Variants in RBFOX1 observed in about 807,000 individuals in gnomAD.
RBFOX1 encodes RNA binding protein fox-1 homolog 1.
Under a neutral mutation model 57.7 loss-of-function variants are expected in RBFOX1, and 8 were observed. The ratio of observed to expected loss-of-function variants is 0.14; its 90% CI spans 0.08 to 0.25. The LOEUF is 0.25. RBFOX1 is among the 10% of genes least tolerant of loss of function. The pLI is 1.00. For synonymous variants in RBFOX1, 326 were observed against 222.4 expected (o/e 1.47, Z -4.15); for missense variants, 611 against 548.5 (o/e 1.11, Z -1.14).
At chr16:7,453,930 G>A (rs1411313949) in intron 4 of RBFOX1, among the ~76,000 whole-genome samples, 2 of 152,146 alleles carry the variant, frequency 1.3e-5, no homozygotes, top group Non-Finnish European at 2.9e-5. Context: ...TTCTGGTAGG[G>A]GGATTAAGAA....
At chr16:6,492,140 G>A (rs568901344) in intron 2 of RBFOX1, among the ~76,000 whole-genome samples, 2 of 152,154 alleles carry the variant, frequency 1.3e-5, no homozygotes, top group Non-Finnish European at 2.9e-5. Context: ...GTGCGGGCGT[G>A]TGAAAGTTTC....
chr16:7,447,421 A>C (rs2098817423), intron 4 of RBFOX1, among the ~76,000 whole-genome samples: 1 of 118,532 alleles, frequency 8.4e-6, no homozygotes, highest in African/African-American at 3.3e-5. Flanking sequence ...CAACCGAGTG[A>C]GTCTATCTCA....
intron 2 of RBFOX1, among the ~76,000 whole-genome samples, chr16:6,526,847 A>C (rs1289967409): frequency 6.7e-6 from 1 of 149,296 alleles, no homozygotes; most frequent in East Asian, 1.9e-4. Context: ...AAAAAAAAAA[A>C]AAAAAAAAAA....
At chr16:5,549,922 G>T (rs148191506) in intron 2 of RBFOX1, among the ~76,000 whole-genome samples, 1 of 152,260 alleles carries the variant, frequency 6.6e-6, no homozygotes, top group African/African-American at 2.4e-5. Context: ...AATGAACTGA[G>T]GTTGCTGGTA....
At chr16:7,230,146 C>A (rs114256759) in intron 4 of RBFOX1, among the ~76,000 whole-genome samples, 1 of 151,292 alleles carries the variant, frequency 6.6e-6, no homozygotes, top group African/African-American at 2.4e-5. Context: ...GCCTCCTCAT[C>A]CTTTTTTTCT....
chr16:7,049,098 TG>T (rs2049047652), intron 3 of RBFOX1, among the ~76,000 whole-genome samples: 1 of 152,142 alleles, frequency 6.6e-6, no homozygotes, highest in African/African-American at 2.4e-5. Context: ...AAATACTGTT[TG>T]GGGGTGATTT....
chr16:7,699,144 TAATAG>T (rs1462335335), intron 14 of RBFOX1, among the ~76,000 whole-genome samples: 1 of 152,164 alleles, frequency 6.6e-6, no homozygotes, highest in African/African-American at 2.4e-5. Context: ...CAGATAATTG[TAATAG>T]AAAAGACCTC....
intron 4 of RBFOX1, among the ~76,000 whole-genome samples, chr16:7,249,223 G>C (rs1350502275): frequency 6.6e-6 from 1 of 152,040 alleles, no homozygotes; most frequent in East Asian, 1.9e-4. Flanking sequence ...TGCAAGGGTG[G>C]GTTTGTTTCC....
intron 4 of RBFOX1, among the ~76,000 whole-genome samples, chr16:7,274,002 C>G (rs549347073): frequency 2.0e-5 from 3 of 152,140 alleles, no homozygotes; most frequent in Admixed American, 6.5e-5. Flanking sequence ...TTGAAGGACC[C>G]TCCTTTCCAC....
At chr16:6,829,481 T>TAAAAAAAAA in intron 3 of RBFOX1, among the ~76,000 whole-genome samples, 1 of 135,644 alleles carries the variant, frequency 7.4e-6, no homozygotes, top group Admixed American at 7.7e-5. Flanking sequence ...ACTCAACCAT[T>TAAAAAAAAA]AAAAAAAAAA....
At chr16:7,499,746 T>C (rs1438461381) in intron 4 of RBFOX1, among the ~76,000 whole-genome samples, 2 of 152,160 alleles carry the variant, frequency 1.3e-5, no homozygotes, top group Admixed American at 1.3e-4. Flanking sequence ...CATTTGGTGG[T>C]GTTTTGAATT....
intron 1 of RBFOX1, among the ~76,000 whole-genome samples, chr16:6,209,476 T>G (rs1047198313): frequency 4.8e-4 from 73 of 152,232 alleles, no homozygotes; most frequent in African/African-American, 1.7e-3. Context: ...CCGTCTCATC[T>G]AATACACGTA....
intron 4 of RBFOX1, among the ~76,000 whole-genome samples, chr16:7,375,743 T>G (rs1167725737): frequency 1.3e-5 from 2 of 152,152 alleles, no homozygotes; most frequent in Non-Finnish European, 2.9e-5. Flanking sequence ...ACAAATAAAA[T>G]GAATGATTTT....
intron 3 of RBFOX1, among the ~76,000 whole-genome samples, chr16:6,797,487 A>G (rs929030967): frequency 6.6e-6 from 1 of 152,200 alleles, no homozygotes; most frequent in Non-Finnish European, 1.5e-5. Flanking sequence ...TTCCCCCAGT[A>G]CAAGCCTAAT....
At chr16:7,092,455 A>G (rs1551960) in intron 4 of RBFOX1, among the ~76,000 whole-genome samples, 141,100 of 152,326 alleles carry the variant, frequency 0.93, 65,497 homozygotes, top group East Asian at 1. Flanking sequence ...AACATTTTGT[A>G]CCATTCAATA....
intron 4 of RBFOX1, among the ~76,000 whole-genome samples, chr16:7,253,797 G>T (rs576334882): frequency 6.6e-6 from 1 of 152,248 alleles, no homozygotes; most frequent in South Asian, 2.1e-4. Flanking sequence ...ATGATGGGAA[G>T]GAATCTTTTC....
intron 3 of RBFOX1, among the ~76,000 whole-genome samples, chr16:6,709,767 C>T (rs780844381): frequency 6.6e-6 from 1 of 152,074 alleles, no homozygotes; most frequent in Non-Finnish European, 1.5e-5. Context: ...CCTCTAAACT[C>T]GCTCAGCCCA....
intron 4 of RBFOX1, among the ~76,000 whole-genome samples, chr16:7,108,552 G>C (rs886528820): frequency 2.6e-5 from 4 of 152,238 alleles, no homozygotes; most frequent in East Asian, 3.9e-4. Flanking sequence ...AGGTGATTCT[G>C]TATGTGCCTG....
rs535628998 is a variant in RBFOX1 at position 6,002,791 on chromosome 16, A to G, written c.351+135456A>G. Among the ~76,000 whole-genome samples, 5 of 152,358 alleles carry G rather than the reference A, an allele frequency of 3.3e-5. No homozygotes were observed. In the South Asian group the frequency reaches 8.3e-4, roughly 25 times the overall value. On this transcript the variant is annotated intron_variant, in intron 4 of 19. Transcript: ENST00000641259. ...ATTTCTTCAATATGATTACAATAGT[A>G]AATTGATTGAGTTAGAGCAAATAAA...
Sources: gnomAD v4.1 joint callset for allele counts (sites outside exome capture counted in the v4.1 genomes callset) on GRCh38, gnomAD v4.1.1 for gene constraint, MANE v1.5 for transcripts, NCBI Gene and HGNC (gene_info 2026-07-23, HGNC 2026-07-21) for gene names.